The following NTRK2 variants were observed in gnomAD, a reference collection of about 807,000 sequenced individuals.
The protein encoded by NTRK2 is BDNF/NT-3 growth factors receptor.
A neutral mutation model predicts 94.5 loss-of-function variants in NTRK2; 13 were observed. The observed-to-expected ratio is 0.14, with a 90% CI of 0.09 to 0.22. The LOEUF (loss-of-function observed/expected upper bound fraction) is 0.22, where lower values mean the gene tolerates loss of function less well. Ranked by LOEUF, NTRK2 falls within the 10% of genes least tolerant of loss-of-function variation. NTRK2 has a pLI of 1.00. For synonymous variants in NTRK2, 372 were observed against 407.4 expected, an observed-to-expected ratio of 0.91 and a Z score of 1.05; for missense variants, 639 against 1,071.2, an observed-to-expected ratio of 0.60 and a Z score of 5.63.
chr9:84,782,163 G>A (rs184508767), intron 12 of NTRK2, among the ~76,000 whole-genome samples: 6 of 151,950 alleles, frequency 3.9e-5, no homozygotes, highest in African/African-American at 1.5e-4. Flanking sequence ...TGTTTGTCTC[G>A]TTAACTGCCA....
rs139371053 is a variant in NTRK2 at position 85,019,867 on chromosome 9, G to C, written c.2173-339G>C. Among the ~76,000 whole-genome samples, 266 of 152,274 alleles carry C rather than the reference G, an allele frequency of 1.7e-3. 2 individuals are homozygous for C. Among genetic ancestry groups the C allele is most frequent in the African/African-American group, 6.1e-3 (252 of 41,548 alleles). On this transcript the variant is annotated intron_variant, in intron 17 of 18. Transcript: ENST00000277120. ...TTGTTCTCCTGGTCAAAGTGATCTT[G>C]TTAATTAGAAGATTGAGTCATCCTC...
At chr9:84,854,521 C>T (rs1194915408) in intron 12 of NTRK2, among the ~76,000 whole-genome samples, 1 of 151,738 alleles carries the variant, frequency 6.6e-6, no homozygotes, top group Admixed American at 6.6e-5. Context: ...CATATGGGTA[C>T]CTATTGAAAA....
chr9:84,754,070 C>T lies in NTRK2; in HGVS notation c.1396+1985C>T, dbSNP rs183714517. On this transcript the variant is annotated intron_variant, in intron 12 of 18. Coordinates refer to ENST00000277120, the MANE Select transcript of NTRK2 (RefSeq NM_006180.6). ...TTGCATATTGAGACTCCAGCACTAA[C>T]GCTGAAACAGTATTTCATTTAGATA... 1.1e-4 allele frequency among the ~76,000 whole-genome samples: 16 copies of T among 152,312 alleles called. No individual in the cohort carries two copies. The East Asian group carries it at 2.9e-3, about 28-fold the overall frequency.
intron 16 of NTRK2, among the ~76,000 whole-genome samples, chr9:84,953,535 T>A (rs910237687): frequency 1.3e-5 from 2 of 152,254 alleles, no homozygotes; most frequent in African/African-American, 4.8e-5. Context: ...CTGTGCCGCT[T>A]CTTACCTTGA....
chr9:84,796,245 C>G (rs185448680), intron 12 of NTRK2, among the ~76,000 whole-genome samples: 128 of 152,296 alleles, frequency 8.4e-4, no homozygotes, highest in Non-Finnish European at 1.5e-3. Context: ...AGGCCTTCTC[C>G]TCTTGTTTGT....
chr9:84,897,099 A>T (rs1188070882), intron 14 of NTRK2, among the ~76,000 whole-genome samples: 1 of 151,996 alleles, frequency 6.6e-6, no homozygotes, highest in East Asian at 1.9e-4. Context: ...TGGCAAATGG[A>T]GGGGCTAAGC....
chr9:84,776,166 GATATAA>G (rs5898873), intron 12 of NTRK2, among the ~76,000 whole-genome samples: 93,691 of 150,934 alleles, frequency 0.62, 29,699 homozygotes, highest in South Asian at 0.68. Flanking sequence ...GATAGATATA[GATATAA>G]ATATAAATAT....
intron 14 of NTRK2, among the ~76,000 whole-genome samples, chr9:84,868,254 A>G (rs1171610198): frequency 6.6e-6 from 1 of 152,198 alleles, no homozygotes; most frequent in Non-Finnish European, 1.5e-5. Flanking sequence ...AGGAGTGGGT[A>G]TCATGCATGT....
chr9:84,751,953 A>G, intron 11 of NTRK2, 33 bp from the exon 12 acceptor site: 2 of 1,556,410 alleles, frequency 1.3e-6, no homozygotes, highest in African/African-American at 1.4e-5. Flanking sequence ...ACTAATTAGC[A>G]AGGTTATAAC....
chr9:84,776,008 C>T (rs936551341), intron 12 of NTRK2, among the ~76,000 whole-genome samples: 1 of 152,074 alleles, frequency 6.6e-6, no homozygotes, highest in African/African-American at 2.4e-5. Context: ...TGACAGAGTG[C>T]AACAGCTCTG....
chr9:84,835,434 T>A (rs1412914780), intron 12 of NTRK2, among the ~76,000 whole-genome samples: 1 of 151,914 alleles, frequency 6.6e-6, no homozygotes, highest in African/African-American at 2.4e-5. Context: ...ACAGAGAGTT[T>A]CTCCTCAGCT....
chr9:85,007,081 A>G (rs575468913), intron 17 of NTRK2, among the ~76,000 whole-genome samples: 60 of 152,356 alleles, frequency 3.9e-4, no homozygotes, highest in African/African-American at 1.3e-3. Context: ...TCTCCCATGA[A>G]GTTGTAATCT....
chr9:84,842,020 C>T (rs565497351), intron 12 of NTRK2, among the ~76,000 whole-genome samples: 34 of 152,304 alleles, frequency 2.2e-4, no homozygotes, highest in African/African-American at 8.2e-4. Flanking sequence ...ATAGACAAAA[C>T]ATTGAAGCAA....
intron 2 of NTRK2, among the ~76,000 whole-genome samples, chr9:84,678,036 TACAC>T (rs747438692): frequency 6.6e-6 from 1 of 152,024 alleles, no homozygotes; most frequent in African/African-American, 2.4e-5. Context: ...AAGAATTGTC[TACAC>T]ACACACACAT....
intron 12 of NTRK2, among the ~76,000 whole-genome samples, chr9:84,796,276 G>T (rs1451700054): frequency 1.3e-5 from 2 of 152,078 alleles, no homozygotes; most frequent in African/African-American, 4.8e-5. Flanking sequence ...TCTCAAAAAG[G>T]CTGCTTTGCC....
At chr9:84,867,829 T>C (rs2075665399) in intron 14 of NTRK2, among the ~76,000 whole-genome samples, 1 of 152,164 alleles carries the variant, frequency 6.6e-6, no homozygotes, top group Non-Finnish European at 1.5e-5. Context: ...GTAATTGAAA[T>C]ATGCACTCTA....
chr9:84,812,089 TG>T, intron 12 of NTRK2: 1 of 1,060,338 alleles, frequency 9.4e-7, no homozygotes, highest in Non-Finnish European at 1.1e-6. Context: ...GCACAAATGC[TG>T]CAATTTAGCT....
At chr9:84,721,160 T>C (rs2062034897) in intron 6 of NTRK2, among the ~76,000 whole-genome samples, 1 of 146,886 alleles carries the variant, frequency 6.8e-6, no homozygotes, top group Non-Finnish European at 1.5e-5. Context: ...GCTTGCATAC[T>C]CATAATACTC....
chr9:84,728,019 C>A, intron 9 of NTRK2, 60 bp downstream of exon 9: 3 of 1,498,394 alleles, frequency 2.0e-6, no homozygotes, highest in Non-Finnish European at 2.8e-6. Context: ...CACCTGTTGA[C>A]AAAATCATGT....
Sources: gnomAD v4.1 joint callset for allele counts (sites outside exome capture counted in the v4.1 genomes callset) on GRCh38, gnomAD v4.1.1 for gene constraint, MANE v1.5 for transcripts, NCBI Gene and HGNC (gene_info 2026-07-23, HGNC 2026-07-21) for gene names.